Variants in CSNK1E observed in about 807,000 individuals in gnomAD.
CSNK1E encodes the protein casein kinase I isoform epsilon.
Under a neutral mutation model 46.1 loss-of-function variants are expected in CSNK1E, and 17 were observed. That is an observed-to-expected ratio of 0.37 (90% CI 0.25 to 0.55). The LOEUF is 0.55. CSNK1E is among the 20% of genes least tolerant of loss of function. CSNK1E has a pLI of 0.82. For missense variants in CSNK1E, 386 were observed against 595.4 expected (o/e 0.65, Z 3.66); for synonymous variants, 241 against 242.6 (o/e 0.99, Z 0.06).
chr22:38,316,059 G>C (rs577580206), intron 1 of CSNK1E, among the ~76,000 whole-genome samples: 1 of 152,152 alleles, frequency 6.6e-6, no homozygotes, highest in East Asian at 1.9e-4. Context: ...GCTTCATTCA[G>C]GAATGGAGAG....
In CSNK1E at chr22:38,303,185, G is replaced by A. The variant is rs1199756550; in HGVS notation, c.140C>T (p.Pro47Leu). The A allele has an allele frequency of 1.2e-6, 2 of 1,610,812 alleles. No individual in the cohort carries two copies. Among genetic ancestry groups the A allele is most frequent in the Non-Finnish European group, 8.5e-7 (1 of 1,179,038 alleles). ...IKLECVKTKHPQLHIESKFYK... is the reference protein window; with the variant it reads ...IKLECVKTKHLQLHIESKFYK... ...GAACTTGCTCTCGATGTGCAGCTGGGGGTGCTTTGTCTTCACACACTCCAG... is the reference window on the plus strand; with the variant it reads ...GAACTTGCTCTCGATGTGCAGCTGGAGGTGCTTTGTCTTCACACACTCCAG... The change falls in exon 3 of 11, where the codon CCC becomes CTC. Residue 47 changes from proline (P) to leucine (L), a missense_variant. By Grantham distance (98) the Pro-to-Leu change is moderately conservative. This residue lies in a region of CSNK1E where 212 missense variants were observed against 410.2 expected (regional missense o/e 0.52). Transcript: ENST00000396832. This position sits in a 1 kb window ranked among gnomAD's most constrained non-coding sequence, Gnocchi z 4.7.
chr22:38,315,834 T>A (rs934393922), intron 1 of CSNK1E, among the ~76,000 whole-genome samples: 1 of 152,096 alleles, frequency 6.6e-6, no homozygotes, highest in Non-Finnish European at 1.5e-5. Flanking sequence ...TACATAAATA[T>A]ACTGCACATG....
At chr22:38,308,197 T>C (rs546836524) in intron 2 of CSNK1E, among the ~76,000 whole-genome samples, 1 of 152,228 alleles carries the variant, frequency 6.6e-6, no homozygotes, top group African/African-American at 2.4e-5. Flanking sequence ...AACACATTTT[T>C]GTGTTTTGAT....
In CSNK1E at chr22:38,309,866, C is replaced by A. The variant is rs1360287173; in HGVS notation, c.76+4216G>T. Among the ~76,000 whole-genome samples the A allele has an allele frequency of 3.9e-5, 6 of 152,220 alleles. No homozygotes were observed. Among genetic ancestry groups the A allele is most frequent in the Non-Finnish European group, 5.9e-5 (4 of 68,036 alleles). ...CCAAGCTGCTAGGCAAAGCCTCTGA[C>A]CCCCGCAAGTGCTGGAAACCTGCCA... On this transcript the variant is annotated intron_variant, in intron 2 of 10. Transcript: ENST00000396832. The surrounding 1 kb of genome is among the most constrained non-coding windows in gnomAD (Gnocchi z 4.8).
At chr22:38,314,346 GCAGGCTGAGGA>G (rs900701029) in intron 1 of CSNK1E, among the ~76,000 whole-genome samples, 177 bp from the exon 2 acceptor site, 14 of 152,226 alleles carry the variant, frequency 9.2e-5, no homozygotes, top group African/African-American at 3.4e-4. Flanking sequence ...AACAGCTAAG[GCAGGCTGAGGA>G]CAGGTTTCAG....
In CSNK1E at chr22:38,298,876, G is replaced by C; in HGVS notation, c.795C>G (p.Asp265Glu). The C allele has an allele frequency of 6.2e-7, 1 of 1,614,204 alleles. No individual in the cohort carries two copies. Among genetic ancestry groups the C allele is most frequent in the South Asian group, 1.1e-5 (1 of 91,080 alleles). ...CRSLRFDDKP[D>E]YSYLRQLFRN... ...GGAAGAGCTGACGTAGGTAAGAGTA[G>C]TCGGGCTTGTCGTCAAACCGCAGGG... is the stretch of plus-strand genomic sequence containing the variant. Residue 265 changes from aspartate (D) to glutamate (E), a missense_variant, in exon 7 of 11, where the codon GAC (aspartate) becomes GAG (glutamate). Physicochemically the swap from Asp to Glu is conservative, Grantham distance 45. Around this residue, in one of 2 missense-constraint regions of CSNK1E, gnomAD observed 212 missense variants for 410.2 expected, o/e 0.52. Coordinates refer to ENST00000396832, the MANE Select transcript of CSNK1E (RefSeq NM_152221.3). This position sits in a 1 kb window ranked among gnomAD's most constrained non-coding sequence, Gnocchi z 4.2.
intron 2 of CSNK1E, among the ~76,000 whole-genome samples, chr22:38,312,817 C>A (rs2092726798): frequency 6.6e-6 from 1 of 152,206 alleles, no homozygotes; most frequent in African/African-American, 2.4e-5. Flanking sequence ...CCCACAGCCA[C>A]ACAAAGCCAC....
chr22:38,296,535 C>T, intron 7 of CSNK1E: 2 of 1,608,916 alleles, frequency 1.2e-6, no homozygotes, highest in Non-Finnish European at 1.7e-6. Context: ...GGTGGTTCAG[C>T]TCACTACAGT....
chr22:38,298,033 C>T lies in CSNK1E; in HGVS notation c.885+753G>A, dbSNP rs2092650083. 1 of 1,173,444 alleles carries T rather than the reference C, an allele frequency of 8.5e-7. No homozygotes were observed. The highest frequency in any genetic ancestry group is 1.7e-5 in the African/African-American group (1 of 60,188). The allele number at this position is 1,173,444 out of a possible 1,614,324, so 72.7% of individuals were successfully genotyped here. Reference sequence around the variant, plus strand: ...ACAAAAAGCACAGCTGAGGCTCAGCCTCTTGCGCTCACTGGTCAAGTGGCA... The same window carrying T: ...ACAAAAAGCACAGCTGAGGCTCAGCTTCTTGCGCTCACTGGTCAAGTGGCA... On this transcript the variant is annotated intron_variant, in intron 7 of 10. Transcript: ENST00000396832. This position sits in a 1 kb window ranked among gnomAD's most constrained non-coding sequence, Gnocchi z 4.2.
Position 38,303,323 on chromosome 22 carries a change from T to C in CSNK1E, c.77-75A>G, listed in dbSNP as rs747125189. 74 of 1,293,794 alleles carry C rather than the reference T, an allele frequency of 5.7e-5. No individual in the cohort carries two copies. The highest frequency in any genetic ancestry group is 7.5e-5 in the Non-Finnish European group (70 of 937,998). The allele number at this position is 1,293,794 out of a possible 1,614,324, so 80.1% of individuals were successfully genotyped here. A position where few individuals can be genotyped will look rare whatever the true frequency, so the allele number is the denominator to read the frequency against. On this transcript the variant is annotated intron_variant, in intron 2 of 10. Transcript: ENST00000396832. This position sits in a 1 kb window ranked among gnomAD's most constrained non-coding sequence, Gnocchi z 4.7. Reference sequence around the variant, plus strand: ...CAGTCCCAGGCGCCCCACTAAGCATTTCTGAGATCTGGCGTGTGCCGGGCC... The same window carrying C: ...CAGTCCCAGGCGCCCCACTAAGCATCTCTGAGATCTGGCGTGTGCCGGGCC...
rs368268916 is a variant in CSNK1E, at chr22:38,302,824, A to G, written c.336+37T>C. 8.4e-5 allele frequency: 136 copies of G among 1,610,758 alleles called. No individual in the cohort carries two copies. In the African/African-American group the frequency reaches 1.3e-3, roughly 15 times the overall value. On this transcript the variant is annotated intron_variant, in intron 4 of 10. Coordinates refer to ENST00000396832, the MANE Select transcript of CSNK1E (RefSeq NM_152221.3). ...GGCAGGGCTGGTATCCTGGGCCCACAGGCATCTGGCTGGGGATGGAGGGGA... is the reference window on the plus strand; with the variant it reads ...GGCAGGGCTGGTATCCTGGGCCCACGGGCATCTGGCTGGGGATGGAGGGGA...
At chr22:38,313,446 G>T (rs1393677747) in intron 2 of CSNK1E, among the ~76,000 whole-genome samples, 1 of 152,254 alleles carries the variant, frequency 6.6e-6, no homozygotes. Context: ...ACTGAAAGGC[G>T]CAAGCCTCAT....
At chr22:38,295,471 T>C (rs142531386) in intron 7 of CSNK1E, 483 of 849,034 alleles carry the variant, frequency 5.7e-4, no homozygotes, top group Middle Eastern at 2.4e-3. Flanking sequence ...AGCTCTGGGC[T>C]GAGTTGGGGG....
rs375123019 is a variant in CSNK1E, at chr22:38,303,110, C to T, written c.187+28G>A. ...TGGCTGCCCACCGCCACCCACCCGG[C>T]GCCCGCCGCCGCCCACCCTGCGCTC... On this transcript the variant is annotated intron_variant, in intron 3 of 10. Coordinates refer to ENST00000396832, the MANE Select transcript of CSNK1E (RefSeq NM_152221.3). The surrounding 1 kb of genome is among the most constrained non-coding windows in gnomAD (Gnocchi z 4.7). 4.4e-4 allele frequency: 696 copies of T among 1,594,228 alleles called. 2 individuals carry two copies. The African/African-American group carries it at 7.9e-3, about 18-fold the overall frequency.
At position 38,302,785 on chromosome 22, in the gene CSNK1E, C is replaced by A. The variant is rs547365024; in HGVS notation, c.336+76G>T. ...TGGCCCAGGCCCATCCTCTGGCATCCTCTGGGGGCAGGAGGCAGGGCTGGT... is the reference window on the plus strand; with the variant it reads ...TGGCCCAGGCCCATCCTCTGGCATCATCTGGGGGCAGGAGGCAGGGCTGGT... On this transcript the variant is annotated intron_variant, in intron 4 of 10. Coordinates refer to ENST00000396832, the MANE Select transcript of CSNK1E (RefSeq NM_152221.3). The A allele has an allele frequency of 3.2e-6, 5 of 1,569,888 alleles. No individual in the cohort carries two copies. In the East Asian group the frequency reaches 1.1e-4, roughly 35 times the overall value.
chr22:38,310,463 G>A (rs764767847), intron 2 of CSNK1E, among the ~76,000 whole-genome samples: 3 of 152,184 alleles, frequency 2.0e-5, no homozygotes, highest in South Asian at 2.1e-4. Flanking sequence ...GAAGCCCACC[G>A]TCCCGGCAGC....
Position 38,300,185 on chromosome 22 carries a change from T to C in CSNK1E, c.566-120A>G. The C allele has an allele frequency of 1.2e-6, 1 of 869,338 alleles. No individual in the cohort carries two copies. The highest frequency in any genetic ancestry group is 1.7e-6 in the Non-Finnish European group (1 of 573,394). 53.9% of individuals were successfully genotyped at this position (869,338 alleles called of 1,614,324 possible). ...CTCCTGCCCCCACGTCGGATGTTGC[T>C]CACTGCACGCATTTTAAACAGGCAC... On this transcript the variant is annotated intron_variant, in intron 5 of 10. Coordinates refer to ENST00000396832, the MANE Select transcript of CSNK1E (RefSeq NM_152221.3). The surrounding 1 kb of genome is among the most constrained non-coding windows in gnomAD (Gnocchi z 4.4).
rs73884683 is a variant in CSNK1E at position 38,310,003 on chromosome 22, G to A, written c.76+4079C>T. On this transcript the variant is annotated intron_variant, in intron 2 of 10. Coordinates refer to ENST00000396832, the MANE Select transcript of CSNK1E (RefSeq NM_152221.3). ...CTGAGCTCCCTTAATTCTTACAACC[G>A]CTAAGCTGAGGTTCAGAAACGTTAG... Among the ~76,000 whole-genome samples the A allele has an allele frequency of 8.0e-3, 1,221 of 152,262 alleles. 27 individuals are homozygous for A. The highest frequency in any genetic ancestry group is 0.029 in the African/African-American group (1,189 of 41,544).
rs373719442 is a variant in CSNK1E at position 38,294,443 on chromosome 22, C to G, written c.977G>C (p.Arg326Pro). The G allele has an allele frequency of 7.6e-6, 12 of 1,570,766 alleles. No homozygotes were observed. The highest frequency in any genetic ancestry group is 1.0e-5 in the Non-Finnish European group (12 of 1,160,520). ...RMGQLRGSATRALPPGPPTGA... is the reference protein window; with the variant it reads ...RMGQLRGSATPALPPGPPTGA... ...CGTGGGTGGGCCAGGGGGCAGGGCTCGGGTCGCGGACCCCCGTAGCTGCCC... is the reference window on the plus strand; with the variant it reads ...CGTGGGTGGGCCAGGGGGCAGGGCTGGGGTCGCGGACCCCCGTAGCTGCCC... The change falls in exon 8 of 11, where the codon CGA becomes CCA. Residue 326 changes from arginine to proline, a missense_variant. Around this residue, in one of 2 missense-constraint regions of CSNK1E, gnomAD observed 174 missense variants for 185.2 expected, o/e 0.94. Transcript: ENST00000396832. This position sits in a 1 kb window ranked among gnomAD's most constrained non-coding sequence, Gnocchi z 5.5.
Sources: gnomAD v4.1 joint callset for allele counts (sites outside exome capture counted in the v4.1 genomes callset) on GRCh38, gnomAD v4.1.1 for gene constraint, gnomAD v4.1.1 regional missense constraint, Gnocchi (gnomAD v3.1) non-coding constraint, MANE v1.5 for transcripts, NCBI Gene and HGNC (gene_info 2026-07-23, HGNC 2026-07-21) for gene names.